Variants in SGCG observed in about 807,000 individuals in gnomAD.
SGCG encodes gamma-sarcoglycan.
SGCG carries 26 observed loss-of-function variants against 29.3 expected under a neutral mutation model. The observed-to-expected ratio is 0.89, with a 90% CI of 0.65 to 1.23. SGCG has a LOEUF of 1.23. Among genes scored for constraint, SGCG ranks in the 50% most tolerant of loss-of-function variants. The pLI is 0.00. For synonymous variants in SGCG, 145 were observed against 129.7 expected (o/e 1.12, Z -0.80); for missense variants, 353 against 356.0 (o/e 0.99, Z 0.07).
At chr13:23,170,914 C>T in the SGCG span, among the ~76,000 whole-genome samples, 6 of 152,174 alleles carry the variant, frequency 3.9e-5, no homozygotes, top group Non-Finnish European at 8.8e-5. Flanking sequence ...GACCTGCATG[C>T]ATCATAGCAG....
intron 3 of SGCG, chr13:23,246,332 G>A (rs1879708377): frequency 1.3e-5 from 2 of 152,238 alleles, no homozygotes; most frequent in Non-Finnish European, 2.9e-5. Context: ...CATGCATCTA[G>A]CTTTCTGCCA....
rs1277599923 is a variant in SGCG at position 23,299,431 on chromosome 13, TATATATATATATATATA to T, written c.578+3945_578+3961del. Among the ~76,000 whole-genome samples, 76 of 15,798 alleles carry T rather than the reference TATATATATATATATATA, an allele frequency of 4.8e-3. 5 individuals carry two copies. Among genetic ancestry groups the T allele is most frequent in the South Asian group, 0.017 (8 of 468 alleles). 10.4% of individuals were successfully genotyped at this position (15,798 alleles called of 152,430 possible). A position where few individuals can be genotyped will look rare whatever the true frequency, so the allele number is the denominator to read the frequency against. ...GCATATATATATATATATATATATATATATATATATATATATATATATATATTTTTTTTTTTTTTTTA... is the reference window on the plus strand; with the variant it reads ...GCATATATATATATATATATATATATTATATATATTTTTTTTTTTTTTTTA... On this transcript the variant is annotated intron_variant, in intron 6 of 7. Coordinates refer to ENST00000218867, the MANE Select transcript of SGCG (RefSeq NM_000231.3).
chr13:23,232,341 A>G (rs1484291177), intron 2 of SGCG, among the ~76,000 whole-genome samples: 1 of 152,206 alleles, frequency 6.6e-6, no homozygotes, highest in East Asian at 1.9e-4. Flanking sequence ...GTAGAAGTCT[A>G]TTGCCTAGCA....
intron 2 of SGCG, among the ~76,000 whole-genome samples, chr13:23,226,133 C>T (rs960055197): frequency 6.6e-6 from 1 of 152,124 alleles, no homozygotes; most frequent in African/African-American, 2.4e-5. Context: ...TCTACTCACC[C>T]AGTGATTACA....
chr13:23,271,925 T>C (rs953370418), intron 4 of SGCG, among the ~76,000 whole-genome samples: 1 of 152,222 alleles, frequency 6.6e-6, no homozygotes, highest in South Asian at 2.1e-4. Context: ...TTGTTGTTAT[T>C]GTAAATGGCA....
At position 23,234,589 on chromosome 13, in the gene SGCG, GTC is replaced by G. The variant is rs754896962; in HGVS notation, c.196-18_196-17del. On this transcript the variant is annotated intron_variant, in intron 2 of 7. Coordinates refer to ENST00000218867, the MANE Select transcript of SGCG (RefSeq NM_000231.3). ...AGCAAGCAATAAAAATATACGCATT[GTC>G]TCTTTTTTTTTTTTAACAGGCAGGA... 2.1e-6 allele frequency: 3 copies of G among 1,443,928 alleles called. No individual in the cohort carries two copies. Among genetic ancestry groups the G allele is most frequent in the African/African-American group, 1.4e-5 (1 of 70,822 alleles). 89.4% of individuals were successfully genotyped at this position (1,443,928 alleles called of 1,614,324 possible).
intron 5 of SGCG, among the ~76,000 whole-genome samples, chr13:23,285,435 C>G (rs892341170): frequency 6.6e-6 from 1 of 152,160 alleles, no homozygotes; most frequent in Non-Finnish European, 1.5e-5. Context: ...ACTCAAACCT[C>G]AGTAATGGTG....
chr13:23,195,028 A>C (rs7331939), intron 1 of SGCG, among the ~76,000 whole-genome samples: 69,798 of 151,912 alleles, frequency 0.46, 16,178 homozygotes, highest in Admixed American at 0.51. Flanking sequence ...CTAACTTAAC[A>C]ATTAGCTATG....
At chr13:23,191,405 G>T (rs1877243269) in intron 1 of SGCG, among the ~76,000 whole-genome samples, 1 of 152,148 alleles carries the variant, frequency 6.6e-6, no homozygotes, top group African/African-American at 2.4e-5. Flanking sequence ...AAGGTATCGG[G>T]TGCAGGGGTC....
chr13:23,253,335 C>G (rs544753620), intron 4 of SGCG, among the ~76,000 whole-genome samples: 16 of 152,262 alleles, frequency 1.1e-4, no homozygotes, highest in African/African-American at 3.9e-4. Context: ...GTGTCTCATG[C>G]CTGAGAAAGT....
chr13:23,208,229 C>T (rs963006652), intron 2 of SGCG, among the ~76,000 whole-genome samples: 1 of 152,054 alleles, frequency 6.6e-6, no homozygotes, highest in African/African-American at 2.4e-5. Flanking sequence ...TAGGGAAAAC[C>T]ATAATTTTTC....
At chr13:23,244,746 G>A (rs12430066) in intron 3 of SGCG, 14,129 of 152,172 alleles carry the variant, frequency 0.093, 797 homozygotes, top group South Asian at 0.18. Context: ...GGCCTGGATC[G>A]TTACGACTTC....
At chr13:23,223,784 G>C (rs1308952754) in intron 2 of SGCG, among the ~76,000 whole-genome samples, 1 of 151,864 alleles carries the variant, frequency 6.6e-6, no homozygotes, top group East Asian at 1.9e-4. Context: ...TGACCAACAT[G>C]GTGAAACCCC....
chr13:23,299,431 TATATATATA>T (rs1882042418), intron 6 of SGCG, among the ~76,000 whole-genome samples: 3 of 15,796 alleles, frequency 1.9e-4, no homozygotes, highest in Admixed American at 6.2e-4. Context: ...TATATATATA[TATATATATA>T]TATATATATA....
chr13:23,295,465 G>A lies in SGCG; in HGVS notation c.556G>A (p.Ala186Thr). Residue 186 changes from alanine to threonine, a missense_variant, in exon 6 of 8, where the codon GCC becomes ACC. Transcript: ENST00000218867. ...TTCAGTGGAGACACCCCTTGTCAGAGCCGACCCGTTTCAAGACCTTAGGTA... is the reference window on the plus strand; with the variant it reads ...TTCAGTGGAGACACCCCTTGTCAGAACCGACCCGTTTCAAGACCTTAGGTA... ...EHSVETPLVR[A>T]DPFQDLRLES... 1 of 1,613,918 alleles carries A rather than the reference G, an allele frequency of 6.2e-7. No homozygotes were observed. The highest frequency in any genetic ancestry group is 8.5e-7 in the Non-Finnish European group (1 of 1,179,844).
At chr13:23,177,618 C>T (rs1333570494), upstream of SGCG, among the ~76,000 whole-genome samples, 1 of 128,994 alleles carries the variant, frequency 7.8e-6, no homozygotes, top group East Asian at 2.3e-4. Context: ...GTCACCCAGG[C>T]TGGAGTGCAG....
chr13:23,263,193 A>C (rs1880512594), intron 4 of SGCG, among the ~76,000 whole-genome samples: 2 of 152,026 alleles, frequency 1.3e-5, no homozygotes, highest in East Asian at 3.8e-4. Flanking sequence ...CAATGAAACA[A>C]AATCTGACTT....
chr13:23,307,436 A>G (rs1021435501), intron 6 of SGCG, among the ~76,000 whole-genome samples: 3 of 152,204 alleles, frequency 2.0e-5, no homozygotes, highest in African/African-American at 7.2e-5. Flanking sequence ...CGTGAGTTAA[A>G]AAAAGTTATC....
chr13:23,291,501 A>G (rs1001109505), intron 5 of SGCG, among the ~76,000 whole-genome samples: 4 of 152,222 alleles, frequency 2.6e-5, no homozygotes, highest in Admixed American at 2.6e-4. Flanking sequence ...TCATTTTATT[A>G]TACGCAAATA....
Sources: allele counts gnomAD v4.1 joint callset (sites outside exome capture counted in the v4.1 genomes callset), GRCh38; gene constraint gnomAD v4.1.1; transcripts MANE v1.5; gene names NCBI Gene and HGNC (gene_info 2026-07-23, HGNC 2026-07-21).